NBAS: variants seen among roughly 807,000 people sequenced by gnomAD.
The protein encoded by NBAS is NBAS subunit of NRZ tethering complex.
In NBAS, 219 loss-of-function variants were observed where a neutral mutation model predicts 302.5. The observed-to-expected ratio is 0.72, with a 90% confidence interval of 0.65 to 0.81. The LOEUF (loss-of-function observed/expected upper bound fraction) is 0.81, where lower values mean the gene tolerates loss of function less well. NBAS is among the 30% of genes least tolerant of loss of function. The pLI is 0.00. For missense variants in NBAS, 2,932 were observed against 2,841.6 expected (o/e 1.03, Z -0.72); for synonymous variants, 1,118 against 1,021.6 (o/e 1.09, Z -1.80).
intron 32 of NBAS, among the ~76,000 whole-genome samples, chr2:15,363,526 G>A (rs1674043924): frequency 6.6e-6 from 1 of 152,158 alleles, no homozygotes; most frequent in South Asian, 2.1e-4. Flanking sequence ...AAAAAAGGTG[G>A]AAACAGAATA....
At chr2:15,218,690 A>C in intron 48 of NBAS, 83 bp downstream of exon 48, 1 of 1,577,548 alleles carries the variant, frequency 6.3e-7, no homozygotes, top group Non-Finnish European at 8.7e-7. Flanking sequence ...GGCCTCCCAC[A>C]ATGCTGGGAT....
chr2:14,796,262 A>G, the NBAS span, among the ~76,000 whole-genome samples: 1 of 152,156 alleles, frequency 6.6e-6, no homozygotes, highest in African/African-American at 2.4e-5. Flanking sequence ...TGATTCTTGA[A>G]GTCAGATAGG....
chr2:15,412,582 T>C (rs1475096212), intron 25 of NBAS, among the ~76,000 whole-genome samples: 5 of 152,252 alleles, frequency 3.3e-5, no homozygotes, highest in Non-Finnish European at 5.9e-5. Context: ...GCATGATTCA[T>C]GGAAGCTCTG....
intron 35 of NBAS, among the ~76,000 whole-genome samples, chr2:15,351,546 C>T (rs764136943): frequency 6.6e-6 from 1 of 151,976 alleles, no homozygotes; most frequent in South Asian, 2.1e-4. Flanking sequence ...GGTGTGGTGG[C>T]GCTCACCTGT....
the NBAS span, among the ~76,000 whole-genome samples, chr2:14,875,538 C>T: frequency 1.3e-5 from 2 of 152,060 alleles, no homozygotes; most frequent in African/African-American, 2.4e-5. Context: ...ATCACTTGAA[C>T]CTGGGAGGCA....
chr2:14,976,725 T>C, the NBAS span, among the ~76,000 whole-genome samples: 452 of 152,248 alleles, frequency 3.0e-3, 1 homozygote, highest in African/African-American at 0.011. Context: ...CTAATTCCAA[T>C]AACAAGCACC....
the NBAS span, among the ~76,000 whole-genome samples, chr2:15,073,445 C>T: frequency 7.0e-6 from 1 of 143,710 alleles, no homozygotes; most frequent in East Asian, 2.0e-4. Context: ...TATTGCACTC[C>T]AGCCTGGGCA....
chr2:15,465,557 T>C (rs1367340390), intron 19 of NBAS, among the ~76,000 whole-genome samples: 6 of 152,238 alleles, frequency 3.9e-5, no homozygotes, highest in Non-Finnish European at 8.8e-5. Context: ...TTTATCACAG[T>C]ATTAATAAAA....
chr2:14,878,867 G>A, the NBAS span, among the ~76,000 whole-genome samples: 1 of 152,074 alleles, frequency 6.6e-6, no homozygotes, highest in Non-Finnish European at 1.5e-5. Flanking sequence ...CATGCTATGG[G>A]TTTAGACAAA....
chr2:15,467,792 A>T lies in NBAS; in HGVS notation c.1890T>A (p.Pro630=). ...AGATACTGTCAATGTCTATTTCACC[A>T]GGTAATGTAAATCTGCAAGTATAAA... ...KGADDGRFTL[P]GEIDIDSISY... Residue 630 remains proline (P), a synonymous_variant, in exon 18 of 52, where the codon CCT becomes CCA. Coordinates refer to ENST00000281513, the MANE Select transcript of NBAS (RefSeq NM_015909.4). 1 of 1,590,482 alleles carries T rather than the reference A, an allele frequency of 6.3e-7. No individual in the cohort carries two copies. Among genetic ancestry groups the T allele is most frequent in the Non-Finnish European group, 8.6e-7 (1 of 1,159,344 alleles).
At chr2:14,875,929 A>G in the NBAS span, among the ~76,000 whole-genome samples, 2 of 152,206 alleles carry the variant, frequency 1.3e-5, no homozygotes. Context: ...CCTAGCAAAA[A>G]TACTGCATCA....
the NBAS span, among the ~76,000 whole-genome samples, chr2:15,025,303 T>G: frequency 6.6e-6 from 1 of 152,206 alleles, no homozygotes; most frequent in South Asian, 2.1e-4. Context: ...CTGGGCTCTC[T>G]ATTCTGTTCC....
chr2:15,539,822 C>G (rs1663711771), intron 6 of NBAS, among the ~76,000 whole-genome samples: 1 of 151,674 alleles, frequency 6.6e-6, no homozygotes, highest in Admixed American at 6.6e-5. Context: ...ACTATGCTAA[C>G]ATTGTATTAG....
intron 23 of NBAS, among the ~76,000 whole-genome samples, chr2:15,423,148 T>C (rs1677292950): frequency 6.6e-6 from 1 of 152,234 alleles, no homozygotes; most frequent in Non-Finnish European, 1.5e-5. Flanking sequence ...TGCAAGACGT[T>C]CATTCTTTCT....
At chr2:15,111,266 C>A in the NBAS span, among the ~76,000 whole-genome samples, 6 of 152,132 alleles carry the variant, frequency 3.9e-5, no homozygotes, top group East Asian at 1.9e-4. Context: ...AATCATCCCC[C>A]CAAAGCACAA....
At chr2:15,342,387 A>T (rs547883909) in intron 35 of NBAS, among the ~76,000 whole-genome samples, 1 of 152,318 alleles carries the variant, frequency 6.6e-6, no homozygotes, top group African/African-American at 2.4e-5. Context: ...TAAATGGTCT[A>T]TATGGAATCA....
At chr2:14,880,268 C>A in the NBAS span, among the ~76,000 whole-genome samples, 1 of 152,154 alleles carries the variant, frequency 6.6e-6, no homozygotes, top group South Asian at 2.1e-4. Flanking sequence ...AATCTAAGAC[C>A]TTTTAGGATG....
chr2:15,012,991 G>A, the NBAS span, among the ~76,000 whole-genome samples: 1 of 152,120 alleles, frequency 6.6e-6, no homozygotes, highest in Non-Finnish European at 1.5e-5. Flanking sequence ...CCAAGTAGCT[G>A]GGATTACTGG....
At chr2:15,445,435 C>A (rs1678678588) in intron 21 of NBAS, among the ~76,000 whole-genome samples, 1 of 144,808 alleles carries the variant, frequency 6.9e-6, no homozygotes, top group African/African-American at 2.6e-5. Context: ...TATTCTCACT[C>A]ATAGGTGGGA....
Sources: allele counts gnomAD v4.1 joint callset (sites outside exome capture counted in the v4.1 genomes callset), GRCh38; gene constraint gnomAD v4.1.1; transcripts MANE v1.5; gene names NCBI Gene and HGNC (gene_info 2026-07-23, HGNC 2026-07-21).